EDIL3: variants seen among roughly 807,000 people sequenced by gnomAD.
EDIL3 encodes EGF like and discoidin domains 3, also known as EGF-like repeat and discoidin I-like domain-containing protein 3.
In EDIL3, 37 loss-of-function variants were observed where a neutral mutation model predicts 67.4. That is an observed-to-expected ratio of 0.55 (90% CI 0.42 to 0.72). The LOEUF is 0.72. EDIL3 is among the 30% of genes least tolerant of loss of function. The pLI, the probability that EDIL3 is intolerant of heterozygous loss-of-function variation, is 0.00. For synonymous variants in EDIL3, 195 were observed against 196.3 expected, an observed-to-expected ratio of 0.99 and a Z score of 0.05; for missense variants, 527 against 586.3, an observed-to-expected ratio of 0.90 and a Z score of 1.04.
At position 84,365,039 on chromosome 5, in the gene EDIL3, T is replaced by C. The variant is rs148843532; in HGVS notation, c.67+19269A>G. Among the ~76,000 whole-genome samples the C allele has an allele frequency of 7.0e-4, 106 of 152,192 alleles. No individual in the cohort carries two copies. The East Asian group carries it at 9.6e-3, about 14-fold the overall frequency. ...TTGAGGGGTTGTTGCTGTTCGCTTG[T>C]TTTGAGAGGAGGAGGTAGCAAAAAT... On this transcript the variant is annotated intron_variant, in intron 1 of 10. Coordinates refer to ENST00000296591, the MANE Select transcript of EDIL3 (RefSeq NM_005711.5).
At chr5:84,196,337 T>A (rs910230760) in intron 3 of EDIL3, among the ~76,000 whole-genome samples, 1 of 152,006 alleles carries the variant, frequency 6.6e-6, no homozygotes, top group Admixed American at 6.6e-5. Flanking sequence ...TCACCTCTAC[T>A]AAACCTTTGC....
intron 9 of EDIL3, among the ~76,000 whole-genome samples, chr5:83,966,850 G>T (rs1744699655): frequency 6.6e-6 from 1 of 152,038 alleles, no homozygotes; most frequent in Non-Finnish European, 1.5e-5. Flanking sequence ...TATCTTGTTA[G>T]AAGGAAATGG....
chr5:84,043,539 A>AGGCTG (rs2112216518), intron 9 of EDIL3, among the ~76,000 whole-genome samples: 1 of 152,362 alleles, frequency 6.6e-6, no homozygotes, highest in South Asian at 2.1e-4. Flanking sequence ...ATGCAAAAAA[A>AGGCTG]GGCTGTTAAG....
At chr5:84,190,773 G>A (rs182220481) in intron 3 of EDIL3, among the ~76,000 whole-genome samples, 137 of 151,758 alleles carry the variant, frequency 9.0e-4, no homozygotes, top group African/African-American at 3.1e-3. Context: ...TGCATGATTA[G>A]CATCTCACTT....
At chr5:84,215,180 C>CA (rs1357033338) in intron 3 of EDIL3, among the ~76,000 whole-genome samples, 3 of 152,096 alleles carry the variant, frequency 2.0e-5, no homozygotes, top group Middle Eastern at 3.4e-3. Context: ...ACAAAATAGA[C>CA]AAAAAATATG....
At chr5:84,005,186 T>C (rs1745390994) in intron 9 of EDIL3, among the ~76,000 whole-genome samples, 1 of 151,888 alleles carries the variant, frequency 6.6e-6, no homozygotes, top group Non-Finnish European at 1.5e-5. Context: ...GAATCAGTAA[T>C]AAAATACCTA....
intron 6 of EDIL3, among the ~76,000 whole-genome samples, chr5:84,078,166 T>C (rs1746897928): frequency 6.6e-6 from 1 of 152,280 alleles, no homozygotes; most frequent in South Asian, 2.1e-4. Flanking sequence ...TGAAAAACTT[T>C]TGCATAAGTG....
chr5:84,288,268 G>A (rs1257709037), intron 1 of EDIL3, among the ~76,000 whole-genome samples: 1 of 152,018 alleles, frequency 6.6e-6, no homozygotes, highest in Non-Finnish European at 1.5e-5. Context: ...TCCAGAATGT[G>A]ACCATTTCTC....
intron 5 of EDIL3, among the ~76,000 whole-genome samples, chr5:84,126,367 G>T (rs955742551): frequency 2.6e-5 from 4 of 151,904 alleles, no homozygotes; most frequent in African/African-American, 7.2e-5. Flanking sequence ...GGACCTTTTT[G>T]TCAGTCTGGT....
At chr5:84,059,678 G>A (rs373585580) in intron 9 of EDIL3, among the ~76,000 whole-genome samples, 69 of 152,224 alleles carry the variant, frequency 4.5e-4, no homozygotes, top group African/African-American at 1.7e-3. Context: ...TTTTGCCACA[G>A]AAGCCACTAA....
chr5:84,049,966 G>A (rs950828288), intron 9 of EDIL3, among the ~76,000 whole-genome samples: 2 of 152,026 alleles, frequency 1.3e-5, no homozygotes, highest in Non-Finnish European at 2.9e-5. Flanking sequence ...TTGGGAGGCC[G>A]AGACGGGTGG....
At chr5:84,232,127 A>AT (rs1460131710) in intron 2 of EDIL3, among the ~76,000 whole-genome samples, 3 of 152,340 alleles carry the variant, frequency 2.0e-5, no homozygotes, top group African/African-American at 4.8e-5. Context: ...CTACTTAAAG[A>AT]TAAAAACTAG....
At chr5:84,167,998 T>C (rs1004187022) in intron 4 of EDIL3, among the ~76,000 whole-genome samples, 4 of 152,198 alleles carry the variant, frequency 2.6e-5, no homozygotes, top group Admixed American at 6.6e-5. Flanking sequence ...AGATATATCA[T>C]ATAAAATGAT....
At chr5:84,134,570 C>G (rs975877854) in intron 5 of EDIL3, among the ~76,000 whole-genome samples, 1 of 152,152 alleles carries the variant, frequency 6.6e-6, no homozygotes, top group African/African-American at 2.4e-5. Context: ...TAAGCAAATT[C>G]TCTAAGTTCT....
intron 3 of EDIL3, among the ~76,000 whole-genome samples, chr5:84,213,576 T>C (rs1265401390): frequency 6.6e-6 from 1 of 152,156 alleles, no homozygotes; most frequent in Non-Finnish European, 1.5e-5. Context: ...CAACCAATAA[T>C]GTTGTAACAT....
intron 4 of EDIL3, among the ~76,000 whole-genome samples, chr5:84,150,872 C>T (rs1438671110): frequency 6.6e-6 from 1 of 152,166 alleles, no homozygotes; most frequent in African/African-American, 2.4e-5. Context: ...AAACCTGAGA[C>T]AACCTGATCT....
intron 9 of EDIL3, among the ~76,000 whole-genome samples, chr5:84,030,500 T>C (rs1745900178): frequency 7.7e-6 from 1 of 130,244 alleles, no homozygotes; most frequent in South Asian, 2.5e-4. Flanking sequence ...AGTTGGGATA[T>C]GAAAAAATCG....
In EDIL3 at chr5:84,050,224, CA is replaced by C. The variant is rs1268110937; in HGVS notation, c.1137+10075del. On this transcript the variant is annotated intron_variant, in intron 9 of 10. Transcript: ENST00000296591. ...AAAAAAAAAAAAAAAAAAAAAAAATCACACAAGAATATTTGCTTGAGAAGTT... is the reference window on the plus strand; with the variant it reads ...AAAAAAAAAAAAAAAAAAAAAAAATCCACAAGAATATTTGCTTGAGAAGTT... Among the ~76,000 whole-genome samples the C allele has an allele frequency of 2.2e-5, 3 of 133,436 alleles. No individual in the cohort carries two copies. The Admixed American group carries it at 2.3e-4, about 10-fold the overall frequency. 87.5% of individuals were successfully genotyped at this position (133,436 alleles called of 152,430 possible). A position where few individuals can be genotyped will look rare whatever the true frequency, so the allele number is the denominator to read the frequency against.
intron 3 of EDIL3, among the ~76,000 whole-genome samples, chr5:84,199,446 T>C (rs976466299): frequency 6.6e-6 from 1 of 151,942 alleles, no homozygotes; most frequent in Non-Finnish European, 1.5e-5. Flanking sequence ...ACTTCATCTC[T>C]TATACTGAGG....
Sources: allele counts gnomAD v4.1 joint callset (sites outside exome capture counted in the v4.1 genomes callset), GRCh38; gene constraint gnomAD v4.1.1; transcripts MANE v1.5; gene names NCBI Gene and HGNC (gene_info 2026-07-23, HGNC 2026-07-21).